The following RBM19 variants were observed in gnomAD, a reference collection of about 807,000 sequenced individuals.
RBM19 encodes RNA binding motif protein 19, also known as probable RNA-binding protein 19.
RBM19 carries 94 observed loss-of-function variants against 116.8 expected under a neutral mutation model. The ratio of observed to expected loss-of-function variants is 0.80; its 90% CI spans 0.68 to 0.95. The LOEUF (loss-of-function observed/expected upper bound fraction) is 0.95, where lower values mean the gene tolerates loss of function less well. RBM19 is among the 40% of genes least tolerant of loss of function. The pLI is 0.00. For synonymous variants in RBM19, 475 were observed against 494.1 expected, an observed-to-expected ratio of 0.96 and a Z score of 0.51; for missense variants, 1,161 against 1,220.7, an observed-to-expected ratio of 0.95 and a Z score of 0.73.
At chr12:113,954,651 A>G (rs544805058) in intron 7 of RBM19, among the ~76,000 whole-genome samples, 1 of 152,318 alleles carries the variant, frequency 6.6e-6, no homozygotes, top group Admixed American at 6.5e-5. Context: ...GAAGAACGAA[A>G]ATTAAGTGTT....
intron 21 of RBM19, among the ~76,000 whole-genome samples, chr12:113,882,140 G>C (rs1394973781): frequency 1.3e-5 from 2 of 152,248 alleles, no homozygotes; most frequent in Admixed American, 6.5e-5. Flanking sequence ...TGGCAGCTGG[G>C]CTGAGGACAC....
In RBM19 at chr12:113,948,981, T is replaced by C. The variant is rs753196512; in HGVS notation, c.1128A>G (p.Ala376=). The C allele has an allele frequency of 6.2e-6, 10 of 1,614,082 alleles. No homozygotes were observed. The Admixed American group carries it at 1.5e-4, about 24-fold the overall frequency. ...REKNVPTTKG[A]PKNTTKSWQG... Reference sequence around the variant, plus strand: ...GCCAGGATTTGGTGGTATTCTTTGGTGCACCCTTGGTGGTGGGGACGTTCT... The same window carrying C: ...GCCAGGATTTGGTGGTATTCTTTGGCGCACCCTTGGTGGTGGGGACGTTCT... The change falls in exon 10 of 24, where the codon GCA becomes GCG. Residue 376 remains alanine (A), a synonymous_variant. Transcript: ENST00000261741.
chr12:113,928,555 C>A (rs188753829), intron 16 of RBM19, among the ~76,000 whole-genome samples: 1 of 150,822 alleles, frequency 6.6e-6, no homozygotes, highest in Admixed American at 6.6e-5. Context: ...CACTTTGTAC[C>A]GCTTCCACTC....
At chr12:113,824,612 G>A (rs1011224620) in intron 23 of RBM19, among the ~76,000 whole-genome samples, 6 of 151,934 alleles carry the variant, frequency 3.9e-5, no homozygotes, top group African/African-American at 1.5e-4. Flanking sequence ...CAGGCTGTGA[G>A]CTCCCTGGAG....
intron 16 of RBM19, chr12:113,932,645 T>C (rs951965193): frequency 9.2e-5 from 14 of 152,194 alleles, no homozygotes; most frequent in African/African-American, 3.1e-4. Context: ...GCCAAGGCCA[T>C]GAAGCCAAAG....
In RBM19 at chr12:113,961,189, A is replaced by AT. The variant is rs554631593; in HGVS notation, c.220-1012dup. ...AGGCACATGTCACCATGCCCGGCTA[A>AT]TTTTTTTTTTTATTTTTGTAAAGAC... On this transcript the variant is annotated intron_variant, in intron 2 of 23. Transcript: ENST00000261741. Among the ~76,000 whole-genome samples, 729 of 149,234 alleles carry AT rather than the reference A, an allele frequency of 4.9e-3. 1 individual carries two copies. Among genetic ancestry groups the AT allele is most frequent in the Admixed American group, 7.3e-3 (109 of 14,964 alleles).
chr12:113,953,946 G>A (rs545039767), intron 7 of RBM19, among the ~76,000 whole-genome samples: 2 of 152,344 alleles, frequency 1.3e-5, no homozygotes, highest in South Asian at 2.1e-4. Flanking sequence ...CTTTACAGAC[G>A]AAGTCTGCTC....
At chr12:113,951,407 C>G in intron 8 of RBM19, among the ~76,000 whole-genome samples, 1 of 152,158 alleles carries the variant, frequency 6.6e-6, no homozygotes, top group Admixed American at 6.5e-5. Context: ...CCATCACCAC[C>G]ACCATCATGA....
At chr12:113,950,397 T>C (rs1371946342) in intron 8 of RBM19, among the ~76,000 whole-genome samples, 1 of 151,922 alleles carries the variant, frequency 6.6e-6, no homozygotes, top group African/African-American at 2.4e-5. Flanking sequence ...ATGCCAGGAG[T>C]TGGAAGCCCA....
intron 17 of RBM19, 98 bp downstream of exon 17, chr12:113,926,956 C>T (rs934977072): frequency 3.0e-5 from 41 of 1,350,300 alleles, no homozygotes; most frequent in South Asian, 4.2e-5. Context: ...CATATTAACA[C>T]GCATCATGTT....
intron 16 of RBM19, among the ~76,000 whole-genome samples, chr12:113,927,830 AG>A: frequency 6.6e-6 from 1 of 152,322 alleles, no homozygotes; most frequent in East Asian, 1.9e-4. Flanking sequence ...TATGCATCAC[AG>A]GGAAAAACGG....
intron 17 of RBM19, among the ~76,000 whole-genome samples, chr12:113,926,385 A>C (rs1262539036): frequency 2.6e-5 from 4 of 152,318 alleles, no homozygotes; most frequent in Non-Finnish European, 1.5e-5. Flanking sequence ...TGAAAAACCC[A>C]CTGAGTGTTT....
chr12:113,906,713 C>T (rs1025087463), intron 21 of RBM19, among the ~76,000 whole-genome samples: 3 of 151,968 alleles, frequency 2.0e-5, no homozygotes, highest in African/African-American at 4.8e-5. Flanking sequence ...CAGGTCTCCA[C>T]GCAAATGTCC....
chr12:113,847,910 CCT>C (rs1326642856), intron 22 of RBM19, among the ~76,000 whole-genome samples: 1 of 152,190 alleles, frequency 6.6e-6, no homozygotes, highest in South Asian at 2.1e-4. Context: ...CCTCTGCACT[CCT>C]CTGACACGTT....
chr12:113,912,970 C>A (rs1882541262), intron 21 of RBM19, among the ~76,000 whole-genome samples: 1 of 152,132 alleles, frequency 6.6e-6, no homozygotes, highest in Non-Finnish European at 1.5e-5. Flanking sequence ...CCAAGAAGGT[C>A]TTACGTTTCC....
At chr12:113,901,466 T>C (rs1472257988) in intron 21 of RBM19, among the ~76,000 whole-genome samples, 1 of 152,128 alleles carries the variant, frequency 6.6e-6, no homozygotes, top group Non-Finnish European at 1.5e-5. Context: ...AGAGTAAGCC[T>C]GGCCTCTCAC....
Position 113,965,760 on chromosome 12 carries a change from A to G in RBM19, c.36+432T>C, listed in dbSNP as rs746384940. ...TATTCCTACTTGCCCTAAGGATGGG[A>G]GTGGGAATTGGAACGCAGGTCCGCA... On this transcript the variant is annotated intron_variant, in intron 1 of 23. Transcript: ENST00000261741. Among the ~76,000 whole-genome samples, 35 of 152,086 alleles carry G rather than the reference A, an allele frequency of 2.3e-4. 2 individuals carry two copies. Among genetic ancestry groups the G allele is most frequent in the Non-Finnish European group, 1.5e-5 (1 of 68,020 alleles).
chr12:113,837,020 C>G (rs1324559614), intron 23 of RBM19, among the ~76,000 whole-genome samples: 1 of 137,246 alleles, frequency 7.3e-6, no homozygotes, highest in Admixed American at 7.5e-5. Flanking sequence ...CACACACACA[C>G]ACACACACAC....
chr12:113,946,220 T>C, intron 12 of RBM19, 134 bp downstream of exon 12: 3 of 1,228,274 alleles, frequency 2.4e-6, no homozygotes, highest in Non-Finnish European at 3.4e-6. Context: ...ATTTTACAGA[T>C]GAGAAAACTG....
Sources: gnomAD v4.1 joint callset for allele counts (sites outside exome capture counted in the v4.1 genomes callset) on GRCh38, gnomAD v4.1.1 for gene constraint, MANE v1.5 for transcripts, NCBI Gene and HGNC (gene_info 2026-07-23, HGNC 2026-07-21) for gene names.